GALNT13: variants seen among roughly 807,000 people sequenced by gnomAD.
GALNT13 encodes polypeptide N-acetylgalactosaminyltransferase 13.
GALNT13 carries 28 observed loss-of-function variants against 64.2 expected under a neutral mutation model. That is an observed-to-expected ratio of 0.44 (90% CI 0.32 to 0.60). The LOEUF is 0.60. Among genes scored for constraint, GALNT13 ranks in the 20% least tolerant of loss-of-function variants. GALNT13 has a pLI of 0.05. For synonymous variants in GALNT13, 214 were observed against 224.6 expected (o/e 0.95, Z 0.42); for missense variants, 577 against 669.8 (o/e 0.86, Z 1.53).
the GALNT13 span, among the ~76,000 whole-genome samples, chr2:153,380,883 C>A: frequency 2.6e-5 from 4 of 151,914 alleles, no homozygotes. Flanking sequence ...GGTTTCATAT[C>A]TGAGAAATTA....
chr2:153,368,110 A>T, the GALNT13 span, among the ~76,000 whole-genome samples: 26 of 152,272 alleles, frequency 1.7e-4, no homozygotes, highest in African/African-American at 6.0e-4. Flanking sequence ...TTAAGAGTAA[A>T]ATAATGGAGA....
At chr2:153,395,105 A>G in the GALNT13 span, among the ~76,000 whole-genome samples, 1 of 152,188 alleles carries the variant, frequency 6.6e-6, no homozygotes, top group Non-Finnish European at 1.5e-5. Flanking sequence ...TGGAGCTCTC[A>G]TACTTCTCAT....
intron 11 of GALNT13, among the ~76,000 whole-genome samples, chr2:154,422,864 T>C (rs529514433): frequency 6.6e-6 from 1 of 152,212 alleles, no homozygotes; most frequent in Non-Finnish European, 1.5e-5. Flanking sequence ...GACCTGATTT[T>C]TTTTCTTCAC....
chr2:154,409,346 A>G (rs1267038826), intron 11 of GALNT13: 3 of 408,060 alleles, frequency 7.4e-6, no homozygotes, highest in Non-Finnish European at 1.3e-5. Flanking sequence ...TCATTTTATC[A>G]TGTATTAGCA....
At chr2:154,065,307 A>G (rs1484569336) in intron 3 of GALNT13, among the ~76,000 whole-genome samples, 1 of 152,152 alleles carries the variant, frequency 6.6e-6, no homozygotes, top group Admixed American at 6.5e-5. Flanking sequence ...GGAACTCTCC[A>G]TCCTGGAGGG....
At chr2:154,050,740 A>T (rs1699558583) in intron 3 of GALNT13, among the ~76,000 whole-genome samples, 1 of 152,210 alleles carries the variant, frequency 6.6e-6, no homozygotes, top group African/African-American at 2.4e-5. Flanking sequence ...TTATAAAACA[A>T]ATGTAGTGAA....
chr2:153,303,362 G>A, the GALNT13 span, among the ~76,000 whole-genome samples: 2 of 152,128 alleles, frequency 1.3e-5, no homozygotes, highest in African/African-American at 2.4e-5. Flanking sequence ...CATTGTTAGT[G>A]TAGAGAAATA....
chr2:154,000,261 A>G (rs960044752), intron 3 of GALNT13, among the ~76,000 whole-genome samples: 2 of 151,930 alleles, frequency 1.3e-5, no homozygotes, highest in African/African-American at 4.8e-5. Context: ...TTTTCAAAAA[A>G]TAACACTGTT....
intron 12 of GALNT13, among the ~76,000 whole-genome samples, chr2:154,447,028 A>C (rs1447642626): frequency 2.6e-5 from 4 of 151,424 alleles, no homozygotes; most frequent in African/African-American, 9.7e-5. Context: ...AATATACTTG[A>C]TGAACGATAT....
At chr2:153,875,031 C>T (rs1686261549) in intron 1 of GALNT13, among the ~76,000 whole-genome samples, 1 of 151,972 alleles carries the variant, frequency 6.6e-6, no homozygotes, top group Non-Finnish European at 1.5e-5. Context: ...GATATATCAG[C>T]TTAAAATACT....
chr2:153,830,274 A>G, the GALNT13 span, among the ~76,000 whole-genome samples: 1 of 152,144 alleles, frequency 6.6e-6, no homozygotes, highest in African/African-American at 2.4e-5. Context: ...TAGATATGTA[A>G]TAAATTCACA....
At chr2:153,382,247 G>A in the GALNT13 span, among the ~76,000 whole-genome samples, 3 of 152,006 alleles carry the variant, frequency 2.0e-5, no homozygotes, top group African/African-American at 7.2e-5. Context: ...GGGGGTACAT[G>A]TGCAGGTTTG....
At chr2:153,756,992 A>G in the GALNT13 span, among the ~76,000 whole-genome samples, 2 of 152,068 alleles carry the variant, frequency 1.3e-5, no homozygotes, top group African/African-American at 2.4e-5. Flanking sequence ...AAGAACGTTT[A>G]TTTATTTTTG....
At chr2:154,164,807 A>T (rs1049808243) in intron 4 of GALNT13, among the ~76,000 whole-genome samples, 1 of 152,108 alleles carries the variant, frequency 6.6e-6, no homozygotes, top group African/African-American at 2.4e-5. Context: ...CAAATTTAGA[A>T]TTCAGAAAAT....
intron 3 of GALNT13, among the ~76,000 whole-genome samples, chr2:154,013,587 C>T (rs555837756): frequency 6.6e-6 from 1 of 152,098 alleles, no homozygotes; most frequent in South Asian, 2.1e-4. Flanking sequence ...TGCTCACTTG[C>T]GCCAGAGAAG....
the GALNT13 span, among the ~76,000 whole-genome samples, chr2:153,815,364 C>G: frequency 2.6e-5 from 4 of 152,138 alleles, no homozygotes; most frequent in Non-Finnish European, 5.9e-5. Flanking sequence ...CACATTGTTG[C>G]ATATAAACCT....
intron 3 of GALNT13, among the ~76,000 whole-genome samples, chr2:154,127,773 C>A (rs1682379094): frequency 6.7e-6 from 1 of 148,786 alleles, no homozygotes; most frequent in South Asian, 2.1e-4. Context: ...TATATATATC[C>A]ATATACACAC....
intron 2 of GALNT13, among the ~76,000 whole-genome samples, chr2:153,907,090 G>A (rs1348487997): frequency 1.3e-5 from 2 of 151,972 alleles, no homozygotes; most frequent in Admixed American, 1.3e-4. Flanking sequence ...TTTTGATGGG[G>A]TTGTTTGTTT....
the GALNT13 span, among the ~76,000 whole-genome samples, chr2:153,073,939 C>T: frequency 8.8e-4 from 134 of 152,186 alleles, 2 homozygotes; most frequent in East Asian, 0.023. Flanking sequence ...GTGGACTTTA[C>T]TGATTTCATC....
Sources: gnomAD v4.1 joint callset for allele counts (sites outside exome capture counted in the v4.1 genomes callset) on GRCh38, gnomAD v4.1.1 for gene constraint, MANE v1.5 for transcripts, NCBI Gene and HGNC (gene_info 2026-07-23, HGNC 2026-07-21) for gene names.